Variants in SMIM31 observed in about 807,000 individuals in gnomAD.
The protein encoded by SMIM31 is human epithelial cell program regulator.
intron 2 of SMIM31, among the ~76,000 whole-genome samples, chr4:164,780,213 G>A (rs927468831): frequency 2.6e-5 from 4 of 152,186 alleles, no homozygotes; most frequent in African/African-American, 4.8e-5. Context: ...GGATCACAAG[G>A]TCAGGAGATC....
intron 1 of SMIM31, among the ~76,000 whole-genome samples, chr4:164,764,431 G>C (rs999743449): frequency 2.0e-5 from 3 of 152,102 alleles, no homozygotes; most frequent in Non-Finnish European, 2.9e-5. Flanking sequence ...GCTGAGCGTG[G>C]TGGCGTGTGC....
At chr4:164,771,084 AT>A (rs1427745016) in intron 2 of SMIM31, among the ~76,000 whole-genome samples, 1 of 152,212 alleles carries the variant, frequency 6.6e-6, no homozygotes, top group African/African-American at 2.4e-5. Flanking sequence ...TAAAAAGCAA[AT>A]TGCATTTGTG....
At chr4:164,778,926 G>A (rs1179390780) in intron 2 of SMIM31, among the ~76,000 whole-genome samples, 1 of 150,086 alleles carries the variant, frequency 6.7e-6, no homozygotes, top group Non-Finnish European at 1.5e-5. Flanking sequence ...AACTCTTTGT[G>A]AATTAAAAAT....
intron 2 of SMIM31, among the ~76,000 whole-genome samples, chr4:164,777,033 A>T (rs1732887620): frequency 6.6e-6 from 1 of 152,226 alleles, no homozygotes; most frequent in Admixed American, 6.5e-5. Context: ...TTACGCAAAA[A>T]GATGATATAT....
At chr4:164,798,230 A>ATTTT (rs70952644) in intron 2 of SMIM31, among the ~76,000 whole-genome samples, 1 of 146,948 alleles carries the variant, frequency 6.8e-6, no homozygotes, top group African/African-American at 2.5e-5. Flanking sequence ...AATGATTTTT[A>ATTTT]TTTTTTTTTT....
chr4:164,766,661 G>T (rs1234899664), intron 1 of SMIM31, among the ~76,000 whole-genome samples: 4 of 152,052 alleles, frequency 2.6e-5, no homozygotes, highest in Non-Finnish European at 5.9e-5. Context: ...AGCCAGGCGT[G>T]GTGGCACACA....
Position 164,785,749 on chromosome 4 carries a change from C to CAT in SMIM31, c.112+15208_112+15209dup, listed in dbSNP as rs35263608. Reference sequence around the variant, plus strand: ...TTTAAGCTTCTTGTGTGTGTATGCACATATATATATATATACACATATATA... The same window carrying CAT: ...TTTAAGCTTCTTGTGTGTGTATGCACATATATATATATATATACACATATATA... On this transcript the variant is annotated intron_variant, in intron 2 of 2. Transcript: ENST00000507311. Among the ~76,000 whole-genome samples, 1,068 of 149,334 alleles carry CAT rather than the reference C, an allele frequency of 7.2e-3. 10 individuals are homozygous for CAT. The highest frequency in any genetic ancestry group is 0.026 in the South Asian group (123 of 4,752).
intron 1 of SMIM31, among the ~76,000 whole-genome samples, chr4:164,757,962 CTA>C (rs75042281): frequency 0.11 from 17,360 of 152,074 alleles, 1,091 homozygotes; most frequent in African/African-American, 0.16. Flanking sequence ...AAGATTATGA[CTA>C]TAATTGCCTT....
chr4:164,791,825 T>C (rs904194158), intron 2 of SMIM31, among the ~76,000 whole-genome samples: 1 of 152,146 alleles, frequency 6.6e-6, no homozygotes, highest in Non-Finnish European at 1.5e-5. Flanking sequence ...ACCCAACAGG[T>C]AATTTTTCAT....
At chr4:164,767,204 A>C (rs1344111496) in intron 1 of SMIM31, among the ~76,000 whole-genome samples, 1 of 152,196 alleles carries the variant, frequency 6.6e-6, no homozygotes, top group Admixed American at 6.5e-5. Context: ...GTGATGCTAA[A>C]GGATAGTAGG....
chr4:164,790,787 A>C (rs562571645), intron 2 of SMIM31, among the ~76,000 whole-genome samples: 40 of 152,284 alleles, frequency 2.6e-4, no homozygotes, highest in African/African-American at 9.4e-4. Flanking sequence ...GGTGAAAAGA[A>C]TGTGTAACTT....
intron 2 of SMIM31, among the ~76,000 whole-genome samples, chr4:164,791,302 T>C (rs1733097382): frequency 6.6e-6 from 1 of 152,228 alleles, no homozygotes; most frequent in Non-Finnish European, 1.5e-5. Flanking sequence ...TGTATCACTG[T>C]TTTAAAAATT....
intron 2 of SMIM31, among the ~76,000 whole-genome samples, chr4:164,796,805 C>T (rs946665360): frequency 6.6e-6 from 1 of 152,174 alleles, no homozygotes; most frequent in Non-Finnish European, 1.5e-5. Flanking sequence ...TGATCCAAGC[C>T]ACCATCATCT....
chr4:164,771,125 T>C (rs1303968685), intron 2 of SMIM31, among the ~76,000 whole-genome samples: 1 of 152,178 alleles, frequency 6.6e-6, no homozygotes, highest in African/African-American at 2.4e-5. Context: ...TCCCATCAAT[T>C]CTTGACTATA....
intron 1 of SMIM31, among the ~76,000 whole-genome samples, chr4:164,768,691 C>T (rs1484807932): frequency 6.6e-6 from 1 of 152,108 alleles, no homozygotes; most frequent in Non-Finnish European, 1.5e-5. Context: ...CTTCTTTCTC[C>T]GACCTATAGC....
chr4:164,800,375 T>C (rs1371523099), intron 2 of SMIM31, among the ~76,000 whole-genome samples: 2 of 152,094 alleles, frequency 1.3e-5, no homozygotes, highest in African/African-American at 2.4e-5. Flanking sequence ...GCCTGACTAA[T>C]TTTTTAATTT....
intron 2 of SMIM31, among the ~76,000 whole-genome samples, chr4:164,774,168 G>GA (rs11322166): frequency 0.23 from 27,248 of 121,004 alleles, 3,232 homozygotes; most frequent in East Asian, 0.39. Context: ...TCTGTCTCAA[G>GA]AAAAAAAAAA....
chr4:164,777,819 G>A (rs1732896943), intron 2 of SMIM31, among the ~76,000 whole-genome samples: 1 of 152,184 alleles, frequency 6.6e-6, no homozygotes, highest in African/African-American at 2.4e-5. Context: ...CAGATCCCCA[G>A]TCCAGGTTAG....
intron 2 of SMIM31, among the ~76,000 whole-genome samples, chr4:164,775,689 G>T (rs973450415): frequency 6.6e-6 from 1 of 152,190 alleles, no homozygotes; most frequent in Non-Finnish European, 1.5e-5. Flanking sequence ...ACAAACTGGT[G>T]TGGATAGGAT....
Sources: allele counts gnomAD v4.1 joint callset (sites outside exome capture counted in the v4.1 genomes callset), GRCh38; gene constraint gnomAD v4.1.1; transcripts MANE v1.5; gene names NCBI Gene and HGNC (gene_info 2026-07-23, HGNC 2026-07-21).